The following KANSL1L variants were observed in gnomAD, a reference collection of about 807,000 sequenced individuals.
KANSL1L encodes KAT8 regulatory NSL complex subunit 1 like.
A neutral mutation model predicts 108.6 loss-of-function variants in KANSL1L; 25 were observed. That is an observed-to-expected ratio of 0.23 (90% CI 0.17 to 0.32). The LOEUF (loss-of-function observed/expected upper bound fraction) is 0.32, where lower values mean the gene tolerates loss of function less well. Among genes scored for constraint, KANSL1L ranks in the 10% least tolerant of loss-of-function variants. KANSL1L has a pLI of 1.00. For synonymous variants in KANSL1L, 405 were observed against 395.1 expected (o/e 1.03, Z -0.30); for missense variants, 1,137 against 1,125.7 (o/e 1.01, Z -0.14).
At position 210,154,161 on chromosome 2, in the gene KANSL1L, G is replaced by T. The variant is rs763863206; in HGVS notation, c.422C>A (p.Thr141Asn). Reference sequence around the variant, plus strand: ...TACATCTTTCATGCACTGGCTCGTGGTATCTGATAGAGGCTCCTTTTTGAT... The same window carrying T: ...TACATCTTTCATGCACTGGCTCGTGTTATCTGATAGAGGCTCCTTTTTGAT... ...EFIKKEPLSD[T>N]TSQCMKDVQI... The change falls in exon 2 of 15, where the codon ACC becomes AAC. Residue 141 changes from threonine (T) to asparagine (N), a missense_variant. Coordinates refer to ENST00000281772, the MANE Select transcript of KANSL1L (RefSeq NM_152519.4). 6.2e-7 allele frequency: 1 copy of T among 1,613,962 alleles called. No individual in the cohort carries two copies. Among genetic ancestry groups the T allele is most frequent in the East Asian group, 2.2e-5 (1 of 44,866 alleles).
intron 9 of KANSL1L, 104 bp downstream of exon 9, chr2:210,031,317 A>G (rs2094012900): frequency 1.4e-6 from 1 of 719,168 alleles, no homozygotes; most frequent in Non-Finnish European, 2.3e-6. Flanking sequence ...TTGTGTTATT[A>G]GTGGCTGTTC....
At chr2:210,077,242 T>G (rs1042662342) in intron 5 of KANSL1L, among the ~76,000 whole-genome samples, 2 of 151,604 alleles carry the variant, frequency 1.3e-5, no homozygotes, top group African/African-American at 4.9e-5. Context: ...AAAAAAGGAG[T>G]TGATGACAAC....
At chr2:210,149,601 A>G (rs1432301317) in intron 2 of KANSL1L, among the ~76,000 whole-genome samples, 6 of 152,068 alleles carry the variant, frequency 3.9e-5, no homozygotes, top group Non-Finnish European at 7.4e-5. Flanking sequence ...AACTTAAAAT[A>G]AACTTATAAG....
chr2:210,105,327 C>A (rs2094836140), intron 3 of KANSL1L, among the ~76,000 whole-genome samples: 1 of 145,978 alleles, frequency 6.9e-6, no homozygotes, highest in Non-Finnish European at 1.5e-5. Flanking sequence ...ATATTATATA[C>A]ACACACAGGT....
At chr2:210,029,049 T>C in intron 10 of KANSL1L, 80 bp from the exon 11 acceptor site, 2 of 1,201,336 alleles carry the variant, frequency 1.7e-6, no homozygotes, top group South Asian at 1.4e-5. Context: ...GTTATGTAAA[T>C]ATGGCAGTAC....
chr2:210,027,202 G>A, intron 12 of KANSL1L, 94 bp downstream of exon 12: 1 of 805,998 alleles, frequency 1.2e-6, no homozygotes, highest in Non-Finnish European at 2.1e-6. Context: ...TAAGTTAAAG[G>A]GCTTATATAT....
intron 4 of KANSL1L, among the ~76,000 whole-genome samples, chr2:210,101,554 A>C (rs1308350628): frequency 6.6e-6 from 1 of 152,240 alleles, no homozygotes; most frequent in Non-Finnish European, 1.5e-5. Context: ...TGAAACAACT[A>C]GGATCAAACC....
chr2:210,139,427 A>G (rs1325865551), intron 2 of KANSL1L, among the ~76,000 whole-genome samples: 2 of 152,212 alleles, frequency 1.3e-5, no homozygotes, highest in Non-Finnish European at 2.9e-5. Flanking sequence ...TATACCCAGA[A>G]GTAGGATTAT....
In KANSL1L at chr2:210,022,612, GTATA is replaced by G. The variant is rs71043966; in HGVS notation, c.*333_*336del. ...TTGGCACACAGGTTTGTATGTATGT[GTATA>G]TATATATGTATGTATGTATGGTGTG... On this transcript the variant is annotated 3_prime_UTR_variant, in exon 15 of 15. Coordinates refer to ENST00000281772, the MANE Select transcript of KANSL1L (RefSeq NM_152519.4). The G allele has an allele frequency of 4.2e-6, 1 of 237,772 alleles. No individual in the cohort carries two copies. Among genetic ancestry groups the G allele is most frequent in the East Asian group, 1.1e-4 (1 of 9,398 alleles). 14.7% of individuals were successfully genotyped at this position (237,772 alleles called of 1,614,324 possible).
At chr2:210,084,862 G>A (rs1265918254) in intron 5 of KANSL1L, among the ~76,000 whole-genome samples, 35 of 151,980 alleles carry the variant, frequency 2.3e-4, no homozygotes, top group Admixed American at 1.9e-3. Flanking sequence ...CACCCGCCTC[G>A]GCCTCCCAAA....
intron 6 of KANSL1L, among the ~76,000 whole-genome samples, chr2:210,052,609 T>C (rs142943754): frequency 6.6e-6 from 1 of 152,346 alleles, no homozygotes; most frequent in Non-Finnish European, 1.5e-5. Flanking sequence ...AAACTCCTTT[T>C]TCCTAGAATT....
intron 5 of KANSL1L, among the ~76,000 whole-genome samples, chr2:210,094,939 G>A (rs374026268): frequency 1.2e-3 from 184 of 151,988 alleles, no homozygotes; most frequent in African/African-American, 4.0e-3. Context: ...GAAGGAATAA[G>A]GGAAAAGGAA....
At chr2:210,075,791 G>A (rs2094537994) in intron 5 of KANSL1L, 35 bp from the exon 6 acceptor site, 7 of 1,466,310 alleles carry the variant, frequency 4.8e-6, no homozygotes, top group Non-Finnish European at 6.6e-6. Context: ...GCGTGGGAAG[G>A]GAATAAAACA....
At chr2:210,072,483 G>A (rs1332128298) in intron 6 of KANSL1L, among the ~76,000 whole-genome samples, 4 of 152,176 alleles carry the variant, frequency 2.6e-5, no homozygotes, top group African/African-American at 9.7e-5. Flanking sequence ...TTGGCAACAG[G>A]GACCAGTTTC....
intron 5 of KANSL1L, among the ~76,000 whole-genome samples, chr2:210,078,715 G>A (rs192354960): frequency 1.3e-5 from 2 of 152,198 alleles, no homozygotes; most frequent in East Asian, 3.9e-4. Flanking sequence ...CTCATTGAAA[G>A]CAAAACATGA....
rs200658348 is a variant in KANSL1L, at chr2:210,104,214, T to A, written c.1318A>T (p.Ile440Phe). 1.2e-6 allele frequency: 2 copies of A among 1,613,744 alleles called. No individual in the cohort carries two copies. Among genetic ancestry groups the A allele is most frequent in the Admixed American group, 3.3e-5 (2 of 59,988 alleles). ...QFADQAASLN[I>F]LGNPQVPQEC... is the part of the protein sequence containing the mutation. ...TGGGGAACCTGAGGATTCCCTAGAA[T>A]GTTTAGTGAAGCTGCTTGGTCTGCA... Residue 440 changes from isoleucine to phenylalanine, a missense_variant, in exon 4 of 15, where the codon ATT (isoleucine) becomes TTT (phenylalanine). Ile to Phe is a conservative substitution (Grantham distance 21). Around this residue, in one of 3 missense-constraint regions of KANSL1L, gnomAD observed 556 missense variants for 537.7 expected, o/e 1.03. Transcript: ENST00000281772.
At chr2:210,105,310 A>C (rs565508023) in intron 3 of KANSL1L, among the ~76,000 whole-genome samples, 2 of 148,136 alleles carry the variant, frequency 1.4e-5, no homozygotes, top group East Asian at 3.9e-4. Context: ...GATATTACAT[A>C]TATTATATAT....
At position 210,154,144 on chromosome 2, in the gene KANSL1L, T is replaced by C. The variant is rs1575630546; in HGVS notation, c.439A>G (p.Lys147Glu). Residue 147 changes from lysine to glutamate, a missense_variant, in exon 2 of 15, where the codon AAA (lysine) becomes GAA (glutamate). By Grantham distance (56) the Lys-to-Glu change is moderately conservative. Coordinates refer to ENST00000281772, the MANE Select transcript of KANSL1L (RefSeq NM_152519.4). ...GAATCCAGAATAATTTGTACATCTTTCATGCACTGGCTCGTGGTATCTGAT... is the reference window on the plus strand; with the variant it reads ...GAATCCAGAATAATTTGTACATCTTCCATGCACTGGCTCGTGGTATCTGAT... ...PLSDTTSQCMKDVQIILDSNI... is the reference protein window; with the variant it reads ...PLSDTTSQCMEDVQIILDSNI... 1 of 1,614,126 alleles carries C rather than the reference T, an allele frequency of 6.2e-7. No individual in the cohort carries two copies.
At chr2:210,061,733 A>G (rs1482927342) in intron 6 of KANSL1L, among the ~76,000 whole-genome samples, 1 of 152,244 alleles carries the variant, frequency 6.6e-6, no homozygotes, top group Non-Finnish European at 1.5e-5. Flanking sequence ...AGCAAAAGAT[A>G]TGATTCTCTT....
Sources: allele counts gnomAD v4.1 joint callset (sites outside exome capture counted in the v4.1 genomes callset), GRCh38; gene constraint gnomAD v4.1.1; regional missense constraint gnomAD v4.1.1; transcripts MANE v1.5; gene names NCBI Gene and HGNC (gene_info 2026-07-23, HGNC 2026-07-21).